VAV3: variants seen among roughly 807,000 people sequenced by gnomAD.
VAV3 encodes vav guanine nucleotide exchange factor 3.
VAV3 carries 94 observed loss-of-function variants against 131.2 expected under a neutral mutation model. That is an observed-to-expected ratio of 0.72 (90% CI 0.61 to 0.85). VAV3 has a LOEUF of 0.85. Among genes scored for constraint, VAV3 ranks in the 40% least tolerant of loss-of-function variants. The pLI is 0.00. For synonymous variants in VAV3, 349 were observed against 342.0 expected, an observed-to-expected ratio of 1.02 and a Z score of -0.22; for missense variants, 939 against 1,002.7, an observed-to-expected ratio of 0.94 and a Z score of 0.86.
In VAV3 at chr1:107,760,683, T is replaced by C. The variant is rs1570911209; in HGVS notation, c.1017+101A>G. On this transcript the variant is annotated intron_variant, in intron 10 of 26. Transcript: ENST00000370056. The stretch of plus-strand genomic sequence containing the variant: ...ATAATAATTCAAAATTTTAAGGGGA[T>C]TGGGCCCAACACATGGAATATCTGC... 2.6e-5 allele frequency: 22 copies of C among 835,022 alleles called. No individual in the cohort carries two copies. The East Asian group carries it at 3.8e-4, about 14-fold the overall frequency. The allele number at this position is 835,022 out of a possible 1,614,324, so 51.7% of individuals were successfully genotyped here.
At chr1:107,706,062 G>T (rs974890093) in intron 15 of VAV3, among the ~76,000 whole-genome samples, 3 of 152,064 alleles carry the variant, frequency 2.0e-5, no homozygotes, top group Admixed American at 6.6e-5. Context: ...TATTATTTTT[G>T]ATGGCAAAAG....
intron 19 of VAV3, among the ~76,000 whole-genome samples, chr1:107,652,209 G>C (rs2101578355): frequency 6.6e-6 from 1 of 152,224 alleles, no homozygotes; most frequent in South Asian, 2.1e-4. Flanking sequence ...CCACGGGAGT[G>C]ACCTCTCCTA....
rs1675375898 is a variant in VAV3, at chr1:107,965,157, G to T, written c.-288C>A. On this transcript the variant is annotated 5_prime_UTR_variant, in exon 1 of 27. Coordinates refer to ENST00000370056, the MANE Select transcript of VAV3 (RefSeq NM_006113.5). ...CGGCGGCTGCCGCGCACAGGCTTCC[G>T]ACTCCAGCGCCCGGCCCGCCACTGA... 1 of 149,650 alleles carries T rather than the reference G, an allele frequency of 6.7e-6. No homozygotes were observed. 9.3% of individuals were successfully genotyped at this position (149,650 alleles called of 1,614,324 possible).
At chr1:107,811,000 T>C (rs1557861187) in intron 2 of VAV3, among the ~76,000 whole-genome samples, 1 of 152,014 alleles carries the variant, frequency 6.6e-6, no homozygotes, top group Non-Finnish European at 1.5e-5. Context: ...CTCAAAACGG[T>C]CTTTACATTT....
chr1:107,938,546 A>C (rs771619691), intron 1 of VAV3, among the ~76,000 whole-genome samples: 1 of 152,214 alleles, frequency 6.6e-6, no homozygotes, highest in Non-Finnish European at 1.5e-5. Context: ...AAGAGCTTGC[A>C]GCCTAGGGAC....
At chr1:107,799,754 C>G (rs140269125) in intron 2 of VAV3, among the ~76,000 whole-genome samples, 4 of 152,160 alleles carry the variant, frequency 2.6e-5, no homozygotes, top group African/African-American at 9.7e-5. Flanking sequence ...ATGCTAACTA[C>G]AGTCACTTTA....
intron 9 of VAV3, 42 bp downstream of exon 9, chr1:107,765,034 G>A (rs773768931): frequency 1.4e-6 from 2 of 1,402,662 alleles, no homozygotes; most frequent in East Asian, 4.6e-5. Context: ...TTGCTTTTAG[G>A]TTTATTTTGC....
chr1:107,610,090 C>G, intron 21 of VAV3, 125 bp from the exon 22 acceptor site: 3 of 727,970 alleles, frequency 4.1e-6, no homozygotes, highest in Non-Finnish European at 7.0e-6. Context: ...TGGAACTATC[C>G]ATTGGTAATT....
chr1:107,840,004 G>T (rs1668627088), intron 2 of VAV3, among the ~76,000 whole-genome samples: 1 of 152,142 alleles, frequency 6.6e-6, no homozygotes, highest in Non-Finnish European at 1.5e-5. Flanking sequence ...ATCAGCTAAA[G>T]AAGTCGAATT....
intron 17 of VAV3, among the ~76,000 whole-genome samples, chr1:107,693,834 G>C (rs116576134): frequency 0.012 from 1,813 of 152,218 alleles, 43 homozygotes; most frequent in African/African-American, 0.042. Context: ...ACACCAAATA[G>C]TCCATGTGTT....
intron 2 of VAV3, among the ~76,000 whole-genome samples, chr1:107,797,585 G>C (rs1666608751): frequency 1.3e-5 from 2 of 152,158 alleles, no homozygotes; most frequent in African/African-American, 4.8e-5. Flanking sequence ...AGTTATGCTA[G>C]AATAAAATTT....
chr1:107,825,287 C>T (rs544383064), intron 2 of VAV3, among the ~76,000 whole-genome samples: 2 of 152,230 alleles, frequency 1.3e-5, no homozygotes, highest in African/African-American at 4.8e-5. Flanking sequence ...TATCATCACA[C>T]TTATGGGTCT....
chr1:107,858,139 G>A (rs1486564505), intron 2 of VAV3, among the ~76,000 whole-genome samples: 2 of 152,150 alleles, frequency 1.3e-5, no homozygotes, highest in Admixed American at 1.3e-4. Flanking sequence ...CACTCTTAAA[G>A]ATATACCACC....
intron 1 of VAV3, among the ~76,000 whole-genome samples, chr1:107,905,658 A>G (rs1672071581): frequency 6.6e-6 from 1 of 152,204 alleles, no homozygotes; most frequent in Non-Finnish European, 1.5e-5. Flanking sequence ...TATATAGCAC[A>G]TTGATTTTTT....
At position 107,749,052 on chromosome 1, in the gene VAV3, T is replaced by C. The variant is rs1176817010; in HGVS notation, c.1418A>G (p.His473Arg). Residue 473 changes from histidine to arginine, a missense_variant, in exon 15 of 27, where the codon CAT (histidine) becomes CGT (arginine). His to Arg is a conservative substitution (Grantham distance 29). Transcript: ENST00000370056. ...KKWSYGFYLI[H>R]TQGQNGLEFY... The stretch of plus-strand genomic sequence containing the variant: ...TTCTAACCCATTTTGTCCTTGGGTA[T>C]GGATGAGGTAGAAGCCATAAGACCA... 6.2e-7 allele frequency: 1 copy of C among 1,610,688 alleles called. No individual in the cohort carries two copies. Among genetic ancestry groups the C allele is most frequent in the Non-Finnish European group, 8.5e-7 (1 of 1,178,464 alleles).
intron 20 of VAV3, 123 bp downstream of exon 20, chr1:107,642,496 T>C (rs1655415770): frequency 5.2e-6 from 6 of 1,153,486 alleles, no homozygotes; most frequent in Non-Finnish European, 7.3e-6. Context: ...TTTATTCCTT[T>C]ACTTTCTTAA....
At chr1:107,941,542 T>A (rs1376143105) in intron 1 of VAV3, among the ~76,000 whole-genome samples, 1 of 152,184 alleles carries the variant, frequency 6.6e-6, no homozygotes, top group East Asian at 1.9e-4. Flanking sequence ...TACACCTTTT[T>A]ATGGACACTT....
At chr1:107,863,897 G>A (rs564798719) in intron 2 of VAV3, among the ~76,000 whole-genome samples, 6 of 152,116 alleles carry the variant, frequency 3.9e-5, no homozygotes, top group Non-Finnish European at 5.9e-5. Context: ...TAAAATCTAG[G>A]TGATATCTTT....
chr1:107,774,246 T>C (rs1185004657), intron 4 of VAV3, among the ~76,000 whole-genome samples: 1 of 152,116 alleles, frequency 6.6e-6, no homozygotes, highest in Non-Finnish European at 1.5e-5. Context: ...TTTGTATTTT[T>C]AGTAGAGACA....
Sources: allele counts gnomAD v4.1 joint callset (sites outside exome capture counted in the v4.1 genomes callset), GRCh38; gene constraint gnomAD v4.1.1; transcripts MANE v1.5; gene names NCBI Gene and HGNC (gene_info 2026-07-23, HGNC 2026-07-21).